The following CNTNAP3 variants were observed in gnomAD, a reference collection of about 807,000 sequenced individuals.
CNTNAP3 encodes the protein contactin associated protein family member 3, also known as contactin-associated protein-like 3.
In CNTNAP3, 36 loss-of-function variants were observed where a neutral mutation model predicts 92.1. The ratio of observed to expected loss-of-function variants is 0.39; its 90% CI spans 0.30 to 0.52. The LOEUF (loss-of-function observed/expected upper bound fraction) is 0.52. CNTNAP3 is among the 20% of genes least tolerant of loss of function. The pLI is 0.76. For missense variants in CNTNAP3, 534 were observed against 1,069.6 expected (o/e 0.50, Z 6.98); for synonymous variants, 232 against 422.3 (o/e 0.55, Z 5.53).
At chr9:39,098,238 G>A (rs904673791) in intron 18 of CNTNAP3, among the ~76,000 whole-genome samples, 2 of 147,144 alleles carry the variant, frequency 1.4e-5, no homozygotes, top group African/African-American at 2.5e-5. Flanking sequence ...TTTATGAAAG[G>A]TTGATATTTT....
chr9:39,120,962 C>A (rs1821005808), intron 13 of CNTNAP3, among the ~76,000 whole-genome samples: 1 of 151,630 alleles, frequency 6.6e-6, no homozygotes, highest in Non-Finnish European at 1.5e-5. Flanking sequence ...ATAAAGGACC[C>A]AAATAGACAT....
At chr9:39,139,445 A>C (rs1459810084) in intron 12 of CNTNAP3, among the ~76,000 whole-genome samples, 1 of 152,240 alleles carries the variant, frequency 6.6e-6, no homozygotes, top group Non-Finnish European at 1.5e-5. Context: ...AATCTTCTGA[A>C]CGTCCCCTGT....
At chr9:39,143,534 C>T (rs1030293092) in intron 11 of CNTNAP3, among the ~76,000 whole-genome samples, 10 of 152,160 alleles carry the variant, frequency 6.6e-5, no homozygotes, top group Non-Finnish European at 1.3e-4. Flanking sequence ...GTCCTCAACT[C>T]TGCAATGAAG....
At chr9:39,076,359 T>A (rs1385658402) in intron 23 of CNTNAP3, among the ~76,000 whole-genome samples, 1 of 152,310 alleles carries the variant, frequency 6.6e-6, no homozygotes, top group Non-Finnish European at 1.5e-5. Context: ...AAAGGCATGA[T>A]TGATTTAGGA....
rs144710382 is a variant in CNTNAP3 at position 39,083,487 on chromosome 9, C to T, written c.3442+2249G>A. Among the ~76,000 whole-genome samples the T allele has an allele frequency of 3.8e-3, 571 of 152,016 alleles. 3 individuals are homozygous for T. Among genetic ancestry groups the T allele is most frequent in the African/African-American group, 0.013 (545 of 41,494 alleles). ...CAGCCTGACCAACATGATGAAACCC[C>T]GTCTCTACTAAAACTACAAAAATTA... On this transcript the variant is annotated intron_variant, in intron 21 of 23. Coordinates refer to ENST00000297668, the MANE Select transcript of CNTNAP3 (RefSeq NM_033655.5).
At chr9:39,081,682 C>T (rs959820843) in intron 21 of CNTNAP3, among the ~76,000 whole-genome samples, 3 of 151,698 alleles carry the variant, frequency 2.0e-5, no homozygotes, top group Non-Finnish European at 4.4e-5. Flanking sequence ...TCTATCCTTA[C>T]AAAAGGGTGC....
At chr9:39,152,715 G>A (rs989328663) in intron 9 of CNTNAP3, among the ~76,000 whole-genome samples, 9 of 144,042 alleles carry the variant, frequency 6.2e-5, no homozygotes, top group Admixed American at 4.8e-4. Flanking sequence ...CAGTGCAGTG[G>A]TGTGATCTCT....
chr9:39,098,258 T>C (rs1251251143), intron 18 of CNTNAP3, among the ~76,000 whole-genome samples: 1 of 149,284 alleles, frequency 6.7e-6, no homozygotes, highest in Non-Finnish European at 1.5e-5. Flanking sequence ...TAATTTTATA[T>C]CAAGTTAATT....
intron 21 of CNTNAP3, among the ~76,000 whole-genome samples, chr9:39,080,722 C>G (rs113335779): frequency 3.1e-5 from 3 of 96,902 alleles, no homozygotes; most frequent in African/African-American, 1.2e-4. Flanking sequence ...AGTGCAGTGG[C>G]GCGATCTCGG....
At chr9:39,128,807 C>A (rs1821208839) in intron 13 of CNTNAP3, among the ~76,000 whole-genome samples, 1 of 150,954 alleles carries the variant, frequency 6.6e-6, no homozygotes, top group Non-Finnish European at 1.5e-5. Flanking sequence ...AAATTAAGTT[C>A]AAAAAAGAGC....
chr9:39,147,740 T>C (rs1821737907), intron 10 of CNTNAP3, among the ~76,000 whole-genome samples: 1 of 152,174 alleles, frequency 6.6e-6, no homozygotes, highest in South Asian at 2.1e-4. Context: ...TAGGCACCAA[T>C]GTAACTCTTG....
At chr9:39,137,779 G>A (rs1318000560) in intron 12 of CNTNAP3, among the ~76,000 whole-genome samples, 2 of 152,184 alleles carry the variant, frequency 1.3e-5, no homozygotes, top group African/African-American at 4.8e-5. Context: ...CTCCCACAGT[G>A]CTGGGATTAC....
chr9:39,112,211 C>T (rs1414406147), intron 14 of CNTNAP3, among the ~76,000 whole-genome samples: 16 of 151,472 alleles, frequency 1.1e-4, no homozygotes, highest in Admixed American at 3.3e-4. Flanking sequence ...GAAATTCCTA[C>T]GGTTCTGGAA....
In CNTNAP3 at chr9:39,138,819, A is replaced by G. The variant is rs144583249; in HGVS notation, c.1876+1700T>C. Among the ~76,000 whole-genome samples, 652 of 152,290 alleles carry G rather than the reference A, an allele frequency of 4.3e-3. 6 individuals are homozygous for G. The highest frequency in any genetic ancestry group is 0.014 in the African/African-American group (576 of 41,564). On this transcript the variant is annotated intron_variant, in intron 12 of 23. Transcript: ENST00000297668. ...TTAGTGCTTGTGGAAGAAAATTGTC[A>G]TTCTGTATATAAGCCTGCCTGTCTC...
At position 39,100,850 on chromosome 9, in the gene CNTNAP3, C is replaced by T. The variant is rs1247739705; in HGVS notation, c.2756-700G>A. On this transcript the variant is annotated intron_variant, in intron 17 of 23. Coordinates refer to ENST00000297668, the MANE Select transcript of CNTNAP3 (RefSeq NM_033655.5). ...GTGACAAACACCATTATGAAGGCGA[C>T]AATTCTCAATGTTAGGAGCATGGAA... Among the ~76,000 whole-genome samples, 1,183 of 147,640 alleles carry T rather than the reference C, an allele frequency of 8.0e-3. 9 individuals are homozygous for T. The highest frequency in any genetic ancestry group is 0.01 in the Non-Finnish European group (700 of 67,004).
At position 39,109,271 on chromosome 9, in the gene CNTNAP3, C is replaced by A. The variant is rs1324351424; in HGVS notation, c.2254G>T (p.Val752Phe). Residue 752 changes from valine (V) to phenylalanine (F), a missense_variant, in exon 15 of 24, where the codon GTC becomes TTC. Physicochemically the swap from Val to Phe is conservative, Grantham distance 50. Coordinates refer to ENST00000297668, the MANE Select transcript of CNTNAP3 (RefSeq NM_033655.5). ...GGCAGGTGCTCCTTTTGGGAAAGGACTATTGTGTCACTAGTCCTAAAGAAC... is the reference window on the plus strand; with the variant it reads ...GGCAGGTGCTCCTTTTGGGAAAGGAATATTGTGTCACTAGTCCTAAAGAAC... ...GRNEWTSDTIVLSQKEHLPVT... is the reference protein window; with the variant it reads ...GRNEWTSDTIFLSQKEHLPVT... 6.2e-7 allele frequency: 1 copy of A among 1,611,874 alleles called. No homozygotes were observed. The highest frequency in any genetic ancestry group is 1.1e-5 in the South Asian group (1 of 90,974).
chr9:39,074,700 A>T (rs1825706834), intron 23 of CNTNAP3, among the ~76,000 whole-genome samples: 1 of 152,210 alleles, frequency 6.6e-6, no homozygotes, highest in African/African-American at 2.4e-5. Flanking sequence ...AGATCATTAC[A>T]TGTTATTGTT....
chr9:39,104,471 T>TACAC lies in CNTNAP3; in HGVS notation c.2366-561_2366-558dup, dbSNP rs1233368382. Among the ~76,000 whole-genome samples, 429 of 71,802 alleles carry TACAC rather than the reference T, an allele frequency of 6.0e-3. 1 individual carries two copies. Among genetic ancestry groups the TACAC allele is most frequent in the Middle Eastern group, 0.023 (3 of 132 alleles). The allele number at this position is 71,802 out of a possible 152,430, so 47.1% of individuals were successfully genotyped here. A position where few individuals can be genotyped will look rare whatever the true frequency, so the allele number is the denominator to read the frequency against. On this transcript the variant is annotated intron_variant, in intron 15 of 23. Coordinates refer to ENST00000297668, the MANE Select transcript of CNTNAP3 (RefSeq NM_033655.5). ...AGACTCTTGCTTTCCTTCCTGCACA[T>TACAC]ACACATACACACACACACACACACA...
intron 19 of CNTNAP3, among the ~76,000 whole-genome samples, chr9:39,087,437 C>A (rs1488216876): frequency 6.6e-6 from 1 of 152,136 alleles, no homozygotes; most frequent in Non-Finnish European, 1.5e-5. Flanking sequence ...CCCTCATTAT[C>A]TGTAATTCTC....
Sources: gnomAD v4.1 joint callset for allele counts (sites outside exome capture counted in the v4.1 genomes callset) on GRCh38, gnomAD v4.1.1 for gene constraint, MANE v1.5 for transcripts, NCBI Gene and HGNC (gene_info 2026-07-23, HGNC 2026-07-21) for gene names.